Variants in DCC observed in about 807,000 individuals in gnomAD.
DCC encodes DCC netrin 1 receptor, also known as netrin receptor DCC.
A neutral mutation model predicts 172.5 loss-of-function variants in DCC; 58 were observed. The ratio of observed to expected loss-of-function variants is 0.34; its 90% CI spans 0.27 to 0.42. DCC has a LOEUF of 0.42. Ranked by LOEUF, DCC falls within the 10% of genes least tolerant of loss-of-function variation. The pLI is 1.00. For synonymous variants in DCC, 709 were observed against 644.5 expected, an observed-to-expected ratio of 1.10 and a Z score of -1.52; for missense variants, 1,740 against 1,791.0, an observed-to-expected ratio of 0.97 and a Z score of 0.51.
intron 2 of DCC, among the ~76,000 whole-genome samples, chr18:52,854,318 T>C (rs1195235708): frequency 6.6e-6 from 1 of 152,130 alleles, no homozygotes; most frequent in African/African-American, 2.4e-5. Flanking sequence ...CTAAAATGCC[T>C]TTCTAATTAT....
At chr18:53,300,508 G>A (rs990382847) in intron 12 of DCC, among the ~76,000 whole-genome samples, 22 of 152,114 alleles carry the variant, frequency 1.4e-4, no homozygotes, top group African/African-American at 4.3e-4. Flanking sequence ...AGAAGGCTGC[G>A]ATCTGCCTTA....
intron 5 of DCC, among the ~76,000 whole-genome samples, chr18:52,956,642 G>A (rs549199472): frequency 6.6e-6 from 1 of 152,180 alleles, no homozygotes; most frequent in African/African-American, 2.4e-5. Flanking sequence ...GTAACTTACT[G>A]AAATTTTGAT....
Position 52,834,383 on chromosome 18 carries a change from T to A in DCC, c.413-71661T>A, listed in dbSNP as rs1224783483. On this transcript the variant is annotated intron_variant, in intron 2 of 28. Transcript: ENST00000442544. Reference sequence around the variant, plus strand: ...GCATTGTTTGGGAACTTGCTAGAAGTTTCTACTTTAAATTTACTAAATCAG... The same window carrying A: ...GCATTGTTTGGGAACTTGCTAGAAGATTCTACTTTAAATTTACTAAATCAG... 2.0e-5 allele frequency among the ~76,000 whole-genome samples: 3 copies of A among 152,130 alleles called. No individual in the cohort carries two copies. In the East Asian group the frequency reaches 5.8e-4, roughly 29 times the overall value.
intron 22 of DCC, among the ~76,000 whole-genome samples, chr18:53,448,047 G>GTTTTTTTT (rs35238619): frequency 7.7e-4 from 87 of 113,720 alleles, no homozygotes; most frequent in Admixed American, 3.3e-3. Flanking sequence ...ATTTTGATGA[G>GTTTTTTTT]TTTTTTTTTT....
chr18:52,666,024 G>A (rs1164581199), intron 1 of DCC, among the ~76,000 whole-genome samples: 1 of 152,150 alleles, frequency 6.6e-6, no homozygotes, highest in African/African-American at 2.4e-5. Context: ...TCGGCCGGGT[G>A]CCGTGACTCA....
intron 2 of DCC, among the ~76,000 whole-genome samples, chr18:52,859,439 G>T (rs1454494107): frequency 1.3e-5 from 2 of 152,196 alleles, no homozygotes; most frequent in Non-Finnish European, 2.9e-5. Context: ...GTAGGATTCA[G>T]AAGCTCGTAT....
intron 15 of DCC, among the ~76,000 whole-genome samples, chr18:53,374,887 A>G (rs1037867543): frequency 1.3e-5 from 2 of 152,216 alleles, no homozygotes; most frequent in African/African-American, 4.8e-5. Context: ...AGGTATGGTA[A>G]AGCCTCCAGA....
chr18:53,038,860 G>C (rs957444488), intron 5 of DCC, among the ~76,000 whole-genome samples: 2 of 151,778 alleles, frequency 1.3e-5, no homozygotes, highest in Non-Finnish European at 2.9e-5. Context: ...TGGTCAATTG[G>C]TGAAGCCAGG....
chr18:52,602,294 T>C (rs922397148), intron 1 of DCC, among the ~76,000 whole-genome samples: 5 of 152,086 alleles, frequency 3.3e-5, no homozygotes, highest in African/African-American at 1.2e-4. Context: ...CTCGTAAATA[T>C]GTATTTTTAT....
chr18:53,227,735 G>C (rs573917410), intron 12 of DCC, among the ~76,000 whole-genome samples: 1 of 152,118 alleles, frequency 6.6e-6, no homozygotes, highest in Non-Finnish European at 1.5e-5. Flanking sequence ...AAATAACTTT[G>C]TTCCAGGGTA....
chr18:53,002,960 A>G (rs957416085), intron 5 of DCC, among the ~76,000 whole-genome samples: 11 of 152,008 alleles, frequency 7.2e-5, no homozygotes, highest in Non-Finnish European at 1.5e-4. Flanking sequence ...ACATATTAGG[A>G]GGCTGCCTGT....
At chr18:52,392,086 A>G (rs374046367) in intron 1 of DCC, among the ~76,000 whole-genome samples, 36 of 152,166 alleles carry the variant, frequency 2.4e-4, no homozygotes, top group African/African-American at 4.3e-4. Context: ...TAGAGCACAC[A>G]TGCTCATTCA....
At chr18:53,199,958 C>G (rs1481179130) in intron 9 of DCC, among the ~76,000 whole-genome samples, 1 of 151,908 alleles carries the variant, frequency 6.6e-6, no homozygotes, top group Non-Finnish European at 1.5e-5. Context: ...CAATTTAGTA[C>G]CAAAGGGCAG....
chr18:53,326,033 A>T (rs1366152379), intron 14 of DCC, among the ~76,000 whole-genome samples: 2 of 152,172 alleles, frequency 1.3e-5, no homozygotes, highest in African/African-American at 2.4e-5. Context: ...ATTAATTCAA[A>T]ATGCATCCTC....
chr18:52,854,836 A>G (rs2032256), intron 2 of DCC, among the ~76,000 whole-genome samples: 131,552 of 152,146 alleles, frequency 0.86, 58,116 homozygotes, highest in Middle Eastern at 0.97. Flanking sequence ...ACCCATTAAC[A>G]TTGGGCATGC....
intron 5 of DCC, among the ~76,000 whole-genome samples, chr18:53,016,888 T>C (rs2041814285): frequency 6.6e-6 from 1 of 152,128 alleles, no homozygotes. Flanking sequence ...TACTGAAGTA[T>C]GTTTGCTGGT....
intron 1 of DCC, among the ~76,000 whole-genome samples, chr18:52,618,254 T>C (rs1476666633): frequency 1.3e-5 from 2 of 152,066 alleles, no homozygotes. Context: ...CAGAAGAAAG[T>C]TTAAAAACCA....
chr18:53,226,932 G>GTATATATATATATATA (rs1452126370), intron 12 of DCC, among the ~76,000 whole-genome samples: 6 of 59,216 alleles, frequency 1.0e-4, no homozygotes, highest in Admixed American at 2.1e-4. Context: ...GTGTGTGTGT[G>GTATATATATATATATA]TGTATATATA....
intron 8 of DCC, among the ~76,000 whole-genome samples, chr18:53,174,424 G>T (rs537171894): frequency 6.6e-6 from 1 of 150,594 alleles, no homozygotes; most frequent in Non-Finnish European, 1.5e-5. Flanking sequence ...CTGATAGACC[G>T]CTAGCAAGAC....
Sources: allele counts gnomAD v4.1 joint callset (sites outside exome capture counted in the v4.1 genomes callset), GRCh38; gene constraint gnomAD v4.1.1; transcripts MANE v1.5; gene names NCBI Gene and HGNC (gene_info 2026-07-23, HGNC 2026-07-21).